PCCA: variants seen among roughly 807,000 people sequenced by gnomAD.
The protein encoded by PCCA is propionyl-CoA carboxylase subunit alpha.
Under a neutral mutation model 101.3 loss-of-function variants are expected in PCCA, and 74 were observed. The ratio of observed to expected loss-of-function variants is 0.73; its 90% confidence interval spans 0.61 to 0.89. The LOEUF (loss-of-function observed/expected upper bound fraction) is 0.89. Ranked by LOEUF, PCCA falls within the 40% of genes least tolerant of loss-of-function variation. The probability of loss-of-function intolerance (pLI) is 0.00; values close to 1 mark genes in which losing one functional copy is unlikely to be tolerated. For synonymous variants in PCCA, 294 were observed against 313.6 expected, an observed-to-expected ratio of 0.94 and a Z score of 0.66; for missense variants, 891 against 907.0, an observed-to-expected ratio of 0.98 and a Z score of 0.23.
At position 100,257,309 on chromosome 13, in the gene PCCA, C is replaced by A. The variant is rs545666354; in HGVS notation, c.638-286C>A. ...AATACTGTACTTCTGTTTTTGGAAT[C>A]CACTGTTAATTTATGTGTGTTTTCT... On this transcript the variant is annotated intron_variant, in intron 8 of 23. Coordinates refer to ENST00000376285, the MANE Select transcript of PCCA (RefSeq NM_000282.4). 2.6e-5 allele frequency among the ~76,000 whole-genome samples: 4 copies of A among 152,182 alleles called. No individual in the cohort carries two copies. In the South Asian group the frequency reaches 8.3e-4, roughly 32 times the overall value.
intron 1 of PCCA, among the ~76,000 whole-genome samples, chr13:100,100,720 G>A (rs1276596098): frequency 4.6e-5 from 7 of 152,056 alleles, no homozygotes; most frequent in African/African-American, 1.4e-4. Context: ...CAGACTTGTC[G>A]TGGGAATGGT....
At position 100,527,752 on chromosome 13, in the gene PCCA, G is replaced by A. The variant is rs758468297; in HGVS notation, c.2118G>A (p.Thr706=). Residue 706 remains threonine (T), a splice_region_variant and synonymous_variant, in exon 23 of 24, where the codon ACG becomes ACA. Coordinates refer to ENST00000376285, the MANE Select transcript of PCCA (RefSeq NM_000282.4). ...GTATGACAGCTGGGAAAACTGGCAC[G>A]GTGAGTCCCTAAGTCCCCATCAGCC... The part of the protein sequence containing the change: ...QNSMTAGKTG[T]VKSVHCQAGD... 21 of 1,608,214 alleles carry A rather than the reference G, an allele frequency of 1.3e-5. No homozygotes were observed. The highest frequency in any genetic ancestry group is 4.4e-5 in the South Asian group (4 of 90,964).
intron 7 of PCCA, among the ~76,000 whole-genome samples, chr13:100,229,137 T>C (rs1227878278): frequency 6.6e-5 from 10 of 152,150 alleles, no homozygotes. Context: ...CTATATTTTT[T>C]AGAAGAGCAG....
chr13:100,273,197 A>G lies in PCCA; in HGVS notation c.916A>G (p.Ile306Val), dbSNP rs2063417973. The change falls in exon 12 of 24, where the codon ATT (isoleucine) becomes GTT (valine). Residue 306 changes from isoleucine to valine, a missense_variant and splice_region_variant. Coordinates refer to ENST00000376285, the MANE Select transcript of PCCA (RefSeq NM_000282.4). ...ACAAACATTTTTTTGTATATGTAGCATTTTTTTGGATGCGGAGACTCGAAG... is the reference window on the plus strand; with the variant it reads ...ACAAACATTTTTTTGTATATGTAGCGTTTTTTTGGATGCGGAGACTCGAAG... ...NQKVVEEAPS[I>V]FLDAETRRAM... 6.2e-7 allele frequency: 1 copy of G among 1,612,220 alleles called. No individual in the cohort carries two copies. Among genetic ancestry groups the G allele is most frequent in the Non-Finnish European group, 8.5e-7 (1 of 1,178,336 alleles).
intron 20 of PCCA, among the ~76,000 whole-genome samples, chr13:100,427,392 T>A (rs2079227573): frequency 6.6e-6 from 1 of 152,228 alleles, no homozygotes; most frequent in Admixed American, 6.5e-5. Flanking sequence ...ATGCAAATTT[T>A]TTGTATTGTG....
At chr13:100,161,391 T>C (rs1412736458) in intron 6 of PCCA, 1 of 152,220 alleles carries the variant, frequency 6.6e-6, no homozygotes, top group Non-Finnish European at 1.5e-5. Context: ...ATGTTCATGG[T>C]AAGGTGTTTC....
At chr13:100,301,324 GT>G in intron 12 of PCCA, 135 bp from the exon 13 acceptor site, 1 of 888,648 alleles carries the variant, frequency 1.1e-6, no homozygotes, top group Non-Finnish European at 1.8e-6. Context: ...TAGCTCAAGA[GT>G]TTTTTAGTCA....
intron 4 of PCCA, chr13:100,150,401 A>AT (rs1566583004): frequency 6.1e-6 from 2 of 328,972 alleles, no homozygotes; most frequent in Non-Finnish European, 9.8e-6. Flanking sequence ...TATTTTTAAT[A>AT]TTTTTATCAT....
intron 14 of PCCA, among the ~76,000 whole-genome samples, chr13:100,303,267 A>T (rs1024546853): frequency 6.6e-6 from 1 of 152,174 alleles, no homozygotes; most frequent in Non-Finnish European, 1.5e-5. Flanking sequence ...AATTATAATA[A>T]AAAAGGCTGT....
At chr13:100,413,642 G>T (rs2078185444) in intron 19 of PCCA, among the ~76,000 whole-genome samples, 1 of 151,996 alleles carries the variant, frequency 6.6e-6, no homozygotes, top group South Asian at 2.1e-4. Flanking sequence ...CTGTTCTAAG[G>T]GCTTGACTTC....
At chr13:100,471,570 G>C (rs1297094431) in intron 21 of PCCA, among the ~76,000 whole-genome samples, 2 of 152,170 alleles carry the variant, frequency 1.3e-5, no homozygotes, top group Admixed American at 1.3e-4. Context: ...TTGGATACTT[G>C]ATAGTATCTA....
chr13:100,150,486 G>T, intron 4 of PCCA: 1 of 1,217,996 alleles, frequency 8.2e-7, no homozygotes, highest in Non-Finnish European at 1.1e-6. Context: ...TTATATTAGC[G>T]GTAACGGTGG....
chr13:100,162,692 AGTAAG>A (rs1372905252), intron 6 of PCCA, among the ~76,000 whole-genome samples: 2 of 152,188 alleles, frequency 1.3e-5, no homozygotes, highest in Non-Finnish European at 2.9e-5. Flanking sequence ...TAACTTACTA[AGTAAG>A]GTAACTGAGT....
chr13:100,239,161 T>C (rs2060975564), intron 8 of PCCA, among the ~76,000 whole-genome samples: 1 of 152,226 alleles, frequency 6.6e-6, no homozygotes, highest in African/African-American at 2.4e-5. Context: ...CCAGGCACTT[T>C]GGAAATGTTG....
chr13:100,369,293 G>T (rs891898776), intron 19 of PCCA, among the ~76,000 whole-genome samples: 1 of 152,012 alleles, frequency 6.6e-6, no homozygotes, highest in African/African-American at 2.4e-5. Context: ...CTCTTCTTAC[G>T]GCTAAATTGC....
At chr13:100,338,525 A>C (rs987045104) in intron 17 of PCCA, among the ~76,000 whole-genome samples, 4 of 152,094 alleles carry the variant, frequency 2.6e-5, no homozygotes, top group African/African-American at 9.7e-5. Context: ...AGGTCATGCT[A>C]TGAGAACTGT....
At chr13:100,199,019 C>T (rs893712002) in intron 6 of PCCA, among the ~76,000 whole-genome samples, 6 of 151,318 alleles carry the variant, frequency 4.0e-5, no homozygotes, top group Admixed American at 1.3e-4. Context: ...GCTCCTAGTC[C>T]GTGTGTTGAT....
rs77816216 is a variant in PCCA, at chr13:100,222,448, T to G, written c.600+12985T>G. ...CTGATACAAGAGGCTGTACATATTTTTCTTTTAAATTTGGCTATTAATTTA... is the reference window on the plus strand; with the variant it reads ...CTGATACAAGAGGCTGTACATATTTGTCTTTTAAATTTGGCTATTAATTTA... On this transcript the variant is annotated intron_variant, in intron 7 of 23. Transcript: ENST00000376285. Among the ~76,000 whole-genome samples the G allele has an allele frequency of 7.2e-5, 11 of 152,316 alleles. No individual in the cohort carries two copies. The East Asian group carries it at 1.9e-3, about 27-fold the overall frequency.
At chr13:100,294,551 A>G (rs1358880923) in intron 12 of PCCA, among the ~76,000 whole-genome samples, 1 of 152,140 alleles carries the variant, frequency 6.6e-6, no homozygotes, top group Non-Finnish European at 1.5e-5. Flanking sequence ...CAAAATGAAG[A>G]CTTGACACCG....
Sources: allele counts gnomAD v4.1 joint callset (sites outside exome capture counted in the v4.1 genomes callset), GRCh38; gene constraint gnomAD v4.1.1; transcripts MANE v1.5; gene names NCBI Gene and HGNC (gene_info 2026-07-23, HGNC 2026-07-21).